ME1: variants seen among roughly 807,000 people sequenced by gnomAD.
The protein encoded by ME1 is NADP-dependent malic enzyme.
Under a neutral mutation model 66.4 loss-of-function variants are expected in ME1, and 74 were observed. The observed-to-expected ratio is 1.11, with a 90% CI of 0.92 to 1.35. ME1 has a LOEUF of 1.35. Among genes scored for constraint, ME1 ranks in the 40% most tolerant of loss-of-function variants. The probability of loss-of-function intolerance (pLI) is 0.00; values close to 1 mark genes in which losing one functional copy is unlikely to be tolerated. For synonymous variants in ME1, 251 were observed against 235.6 expected, an observed-to-expected ratio of 1.07 and a Z score of -0.60; for missense variants, 750 against 694.1, an observed-to-expected ratio of 1.08 and a Z score of -0.90.
chr6:83,365,708 G>T (rs921439981), intron 3 of ME1, among the ~76,000 whole-genome samples: 1 of 152,084 alleles, frequency 6.6e-6, no homozygotes, highest in Non-Finnish European at 1.5e-5. Context: ...TATTTCCCCT[G>T]TCCCTCACTC....
chr6:83,415,935 T>C (rs1770152185), intron 1 of ME1, among the ~76,000 whole-genome samples: 1 of 152,214 alleles, frequency 6.6e-6, no homozygotes, highest in African/African-American at 2.4e-5. Context: ...ATTCAGTACA[T>C]TTTTGGTATT....
chr6:83,392,203 C>G (rs1769635015), intron 3 of ME1, among the ~76,000 whole-genome samples: 1 of 150,070 alleles, frequency 6.7e-6, no homozygotes, highest in Non-Finnish European at 1.5e-5. Context: ...CTGGAGTCAA[C>G]AGATTTGGTT....
chr6:83,418,681 A>G (rs930252247), intron 1 of ME1, among the ~76,000 whole-genome samples: 3 of 152,206 alleles, frequency 2.0e-5, no homozygotes, highest in African/African-American at 4.8e-5. Flanking sequence ...AATGCTTACA[A>G]TGCATACAGG....
At chr6:83,292,584 C>T (rs1476312182) in intron 6 of ME1, among the ~76,000 whole-genome samples, 1 of 152,192 alleles carries the variant, frequency 6.6e-6, no homozygotes, top group Non-Finnish European at 1.5e-5. Context: ...GGGTCAGGGA[C>T]CCACTTGAGG....
chr6:83,218,808 T>C (rs1463912878), intron 12 of ME1, among the ~76,000 whole-genome samples: 1 of 152,214 alleles, frequency 6.6e-6, no homozygotes, highest in African/African-American at 2.4e-5. Context: ...GAGCCAAACA[T>C]TTCCCCCCAA....
In ME1 at chr6:83,388,631, C is replaced by CT. The variant is rs554135619; in HGVS notation, c.362+9735dup. Among the ~76,000 whole-genome samples, 417 of 152,258 alleles carry CT rather than the reference C, an allele frequency of 2.7e-3. 25 individuals are homozygous for CT. In the South Asian group the frequency reaches 0.083, roughly 30 times the overall value. The stretch of plus-strand genomic sequence containing the variant: ...TCTAAGAAACTTGGCTGTAAAGAAT[C>CT]TTTTTTGATTTCATTTAATTCTGTT... On this transcript the variant is annotated intron_variant, in intron 3 of 13. Transcript: ENST00000369705.
chr6:83,225,946 T>C (rs1358165819), intron 11 of ME1, among the ~76,000 whole-genome samples: 3 of 151,766 alleles, frequency 2.0e-5, no homozygotes, highest in Admixed American at 6.6e-5. Context: ...AATATTCTCA[T>C]ATATATATGT....
intron 5 of ME1, among the ~76,000 whole-genome samples, chr6:83,321,383 G>A (rs181082569): frequency 3.3e-5 from 5 of 152,264 alleles, no homozygotes; most frequent in Admixed American, 1.3e-4. Context: ...TCCCTATGGA[G>A]CCCAGCAAGC....
chr6:83,231,304 A>T (rs577066365), intron 9 of ME1, among the ~76,000 whole-genome samples: 2 of 152,330 alleles, frequency 1.3e-5, no homozygotes, highest in African/African-American at 4.8e-5. Flanking sequence ...GCCAGAAGAC[A>T]TTCCATCTAG....
At chr6:83,222,222 T>C (rs1583325505) in intron 12 of ME1, among the ~76,000 whole-genome samples, 1 of 152,200 alleles carries the variant, frequency 6.6e-6, no homozygotes, top group East Asian at 1.9e-4. Flanking sequence ...TAGACATCCA[T>C]TTATGTTTAA....
At chr6:83,267,348 G>C (rs1176424148) in intron 6 of ME1, among the ~76,000 whole-genome samples, 1 of 152,032 alleles carries the variant, frequency 6.6e-6, no homozygotes, top group African/African-American at 2.4e-5. Flanking sequence ...TCAATAAAAA[G>C]AACTGGAAAA....
intron 1 of ME1, among the ~76,000 whole-genome samples, chr6:83,426,051 T>A (rs1770365918): frequency 6.6e-6 from 1 of 152,172 alleles, no homozygotes; most frequent in South Asian, 2.1e-4. Context: ...TCTTGCTCCT[T>A]CTCACCCTCT....
intron 6 of ME1, among the ~76,000 whole-genome samples, chr6:83,261,779 C>T (rs1195132553): frequency 3.3e-5 from 5 of 151,794 alleles, no homozygotes; most frequent in African/African-American, 7.3e-5. Flanking sequence ...TTTGGGAGGC[C>T]GAGGCAGATG....
intron 4 of ME1, among the ~76,000 whole-genome samples, chr6:83,348,598 C>T (rs965798592): frequency 6.6e-6 from 1 of 151,256 alleles, no homozygotes; most frequent in East Asian, 1.9e-4. Flanking sequence ...TATTTGGTTT[C>T]AAAATTCTGA....
chr6:83,322,580 A>G (rs968302463), intron 5 of ME1, among the ~76,000 whole-genome samples: 1 of 152,192 alleles, frequency 6.6e-6, no homozygotes, highest in Non-Finnish European at 1.5e-5. Flanking sequence ...ACTTAATGAA[A>G]TAAAGTTTGA....
intron 6 of ME1, among the ~76,000 whole-genome samples, chr6:83,309,635 G>A (rs1583371898): frequency 6.6e-6 from 1 of 152,124 alleles, no homozygotes; most frequent in East Asian, 1.9e-4. Context: ...ACGTGATTCT[G>A]AAGTTCAGAG....
At chr6:83,228,440 T>G (rs1790239229) in intron 10 of ME1, among the ~76,000 whole-genome samples, 1 of 152,108 alleles carries the variant, frequency 6.6e-6, no homozygotes, top group Non-Finnish European at 1.5e-5. Context: ...CAGTAGCCCC[T>G]CCCTTTACTC....
intron 5 of ME1, among the ~76,000 whole-genome samples, chr6:83,334,224 G>A (rs1354589265): frequency 6.8e-6 from 1 of 147,592 alleles, no homozygotes; most frequent in Non-Finnish European, 1.5e-5. Context: ...TGGAAAATCG[G>A]GTCACTCCCA....
chr6:83,233,724 A>C (rs1037979546), intron 9 of ME1, among the ~76,000 whole-genome samples: 4 of 151,572 alleles, frequency 2.6e-5, no homozygotes, highest in African/African-American at 9.7e-5. Flanking sequence ...TAAGTTAATA[A>C]AATTAATAAA....
Sources: gnomAD v4.1 joint callset for allele counts (sites outside exome capture counted in the v4.1 genomes callset) on GRCh38, gnomAD v4.1.1 for gene constraint, MANE v1.5 for transcripts, NCBI Gene and HGNC (gene_info 2026-07-23, HGNC 2026-07-21) for gene names.